The following WDR70 variants were observed in gnomAD, a reference collection of about 807,000 sequenced individuals.
WDR70 encodes the protein WD repeat domain 70.
Under a neutral mutation model 88.6 loss-of-function variants are expected in WDR70, and 53 were observed. That is an observed-to-expected ratio of 0.60 (90% CI 0.48 to 0.75). WDR70 has a LOEUF of 0.75. Among genes scored for constraint, WDR70 ranks in the 30% least tolerant of loss-of-function variants. WDR70 has a pLI of 0.00. For synonymous variants in WDR70, 280 were observed against 270.0 expected (o/e 1.04, Z -0.36); for missense variants, 610 against 823.2 (o/e 0.74, Z 3.17).
At chr5:37,457,661 A>G (rs969821508) in intron 7 of WDR70, among the ~76,000 whole-genome samples, 3 of 152,000 alleles carry the variant, frequency 2.0e-5, no homozygotes, top group African/African-American at 7.2e-5. Context: ...GTTTTCTTGA[A>G]TTTTTTTTCA....
intron 4 of WDR70, among the ~76,000 whole-genome samples, chr5:37,393,733 T>C (rs1455670093): frequency 3.3e-5 from 5 of 152,098 alleles, no homozygotes; most frequent in African/African-American, 7.2e-5. Flanking sequence ...CAGGCTGGAG[T>C]GCAGTGGCAC....
intron 16 of WDR70, among the ~76,000 whole-genome samples, chr5:37,725,487 A>G (rs1349920063): frequency 6.6e-6 from 1 of 152,074 alleles, no homozygotes; most frequent in African/African-American, 2.4e-5. Context: ...TGTTGATATC[A>G]CTAGAAGATG....
intron 5 of WDR70, among the ~76,000 whole-genome samples, chr5:37,402,291 A>ATT (rs1554137150): frequency 1.1e-5 from 1 of 89,224 alleles, no homozygotes; most frequent in African/African-American, 4.5e-5. Flanking sequence ...GCCAGATAGT[A>ATT]TTTGTGTGTG....
rs528733646 is a variant in WDR70 at position 37,532,943 on chromosome 5, C to T, written c.917+16353C>T. On this transcript the variant is annotated intron_variant, in intron 9 of 17. Coordinates refer to ENST00000265107, the MANE Select transcript of WDR70 (RefSeq NM_018034.4). ...AGGTGGCTGTTCAGATTCTTCTGTCCCATGGGGTGCTCCCTTGATGTGTTG... is the reference window on the plus strand; with the variant it reads ...AGGTGGCTGTTCAGATTCTTCTGTCTCATGGGGTGCTCCCTTGATGTGTTG... Among the ~76,000 whole-genome samples the T allele has an allele frequency of 2.0e-5, 3 of 152,140 alleles. No homozygotes were observed. The South Asian group carries it at 6.2e-4, about 32-fold the overall frequency.
intron 13 of WDR70, among the ~76,000 whole-genome samples, chr5:37,714,156 A>G (rs186355150): frequency 6.6e-6 from 1 of 152,348 alleles, no homozygotes; most frequent in African/African-American, 2.4e-5. Context: ...CTATACAGGA[A>G]GATTCAGCTT....
chr5:37,467,777 C>G (rs183983487), intron 7 of WDR70, among the ~76,000 whole-genome samples: 1 of 151,342 alleles, frequency 6.6e-6, no homozygotes, highest in Non-Finnish European at 1.5e-5. Context: ...ACTGCAGTGG[C>G]GCTATCTCGG....
At chr5:37,468,993 A>G (rs1739247466) in intron 7 of WDR70, among the ~76,000 whole-genome samples, 1 of 152,186 alleles carries the variant, frequency 6.6e-6, no homozygotes, top group Non-Finnish European at 1.5e-5. Flanking sequence ...CTGAGGGCTG[A>G]CTGTATAGTC....
chr5:37,452,560 C>G (rs1738707169), intron 7 of WDR70, among the ~76,000 whole-genome samples: 1 of 152,208 alleles, frequency 6.6e-6, no homozygotes, highest in Non-Finnish European at 1.5e-5. Flanking sequence ...GCCACCATGC[C>G]CCTGCCTGAC....
chr5:37,677,423 C>T (rs903644729), intron 10 of WDR70, among the ~76,000 whole-genome samples: 30 of 152,068 alleles, frequency 2.0e-4, no homozygotes, highest in African/African-American at 4.6e-4. Context: ...CCAGAGATTC[C>T]GGTATGTTGT....
intron 9 of WDR70, among the ~76,000 whole-genome samples, chr5:37,579,315 G>A (rs1442668974): frequency 6.6e-6 from 1 of 152,194 alleles, no homozygotes; most frequent in African/African-American, 2.4e-5. Flanking sequence ...GCCGGGTGCG[G>A]TGGCTCACGC....
At chr5:37,434,736 G>T (rs1581275337) in intron 5 of WDR70, among the ~76,000 whole-genome samples, 1 of 152,106 alleles carries the variant, frequency 6.6e-6, no homozygotes, top group South Asian at 2.1e-4. Flanking sequence ...TAATCCTTTG[G>T]TTGGTTTTCA....
chr5:37,635,306 T>G (rs1744926057), intron 10 of WDR70, among the ~76,000 whole-genome samples: 1 of 152,196 alleles, frequency 6.6e-6, no homozygotes, highest in African/African-American at 2.4e-5. Flanking sequence ...GAGAGGATCC[T>G]GCACTGTGGT....
At chr5:37,495,487 CGT>C (rs546438882) in intron 8 of WDR70, among the ~76,000 whole-genome samples, 52 of 149,596 alleles carry the variant, frequency 3.5e-4, no homozygotes, top group Admixed American at 1.3e-4. Flanking sequence ...TGTGTGTGTG[CGT>C]GTGTGTGTGT....
intron 9 of WDR70, among the ~76,000 whole-genome samples, chr5:37,582,876 G>A (rs1743258550): frequency 6.6e-6 from 1 of 152,224 alleles, no homozygotes; most frequent in African/African-American, 2.4e-5. Context: ...CTGTCCTTGT[G>A]CGTAGCACTT....
At chr5:37,750,176 C>A (rs1348172454) in intron 17 of WDR70, among the ~76,000 whole-genome samples, 1 of 152,150 alleles carries the variant, frequency 6.6e-6, no homozygotes, top group Non-Finnish European at 1.5e-5. Flanking sequence ...TTTGTTGATT[C>A]TGTGCCCTTT....
intron 10 of WDR70, among the ~76,000 whole-genome samples, chr5:37,670,661 A>C (rs1746000245): frequency 6.6e-6 from 1 of 152,218 alleles, no homozygotes; most frequent in Non-Finnish European, 1.5e-5. Context: ...AATTGTGACT[A>C]CTTGTAAGTG....
At chr5:37,426,932 T>C (rs899845405) in intron 5 of WDR70, among the ~76,000 whole-genome samples, 3 of 151,900 alleles carry the variant, frequency 2.0e-5, no homozygotes, top group African/African-American at 7.3e-5. Flanking sequence ...TGCACAACCA[T>C]GCCCAGCTAA....
intron 5 of WDR70, among the ~76,000 whole-genome samples, chr5:37,402,944 GTTTTTTTTT>G (rs5867348): frequency 4.7e-5 from 4 of 84,372 alleles, no homozygotes; most frequent in Non-Finnish European, 6.1e-5. Context: ...CCCTCCCTCC[GTTTTTTTTT>G]TTTTTTTTTT....
At chr5:37,549,093 C>A (rs1216490395) in intron 9 of WDR70, among the ~76,000 whole-genome samples, 1 of 152,148 alleles carries the variant, frequency 6.6e-6, no homozygotes, top group African/African-American at 2.4e-5. Context: ...CAGTATTCTT[C>A]TTTTTGCTTA....
Sources: allele counts gnomAD v4.1 joint callset (sites outside exome capture counted in the v4.1 genomes callset), GRCh38; gene constraint gnomAD v4.1.1; transcripts MANE v1.5; gene names NCBI Gene and HGNC (gene_info 2026-07-23, HGNC 2026-07-21).